ZSWIM5: variants seen among roughly 807,000 people sequenced by gnomAD.
ZSWIM5 encodes zinc finger SWIM domain-containing protein 5.
ZSWIM5 carries 55 observed loss-of-function variants against 119.6 expected under a neutral mutation model. The observed-to-expected ratio is 0.46, with a 90% CI of 0.37 to 0.58. The LOEUF (loss-of-function observed/expected upper bound fraction) is 0.58. ZSWIM5 is among the 20% of genes least tolerant of loss of function. The pLI is 0.00. For synonymous variants in ZSWIM5, 537 were observed against 606.9 expected (o/e 0.88, Z 1.69); for missense variants, 1,193 against 1,512.8 (o/e 0.79, Z 3.51).
chr1:45,129,290 C>G (rs1476181908), intron 1 of ZSWIM5, among the ~76,000 whole-genome samples: 1 of 151,446 alleles, frequency 6.6e-6, no homozygotes, highest in Non-Finnish European at 1.5e-5. Flanking sequence ...TCCCGAGTAG[C>G]TGGGACTACA....
chr1:45,088,296 C>G lies in ZSWIM5; in HGVS notation c.596-59G>C. On this transcript the variant is annotated intron_variant, in intron 1 of 13. Transcript: ENST00000359600. This position sits in a 1 kb window ranked among gnomAD's most constrained non-coding sequence, Gnocchi z 4.2. ...TTCTAGAGTAATAAACTTAGATTCT[C>G]ATTTTACATGTAAATTCATCAATTC... The G allele has an allele frequency of 2.4e-6, 3 of 1,235,572 alleles. No homozygotes were observed. The highest frequency in any genetic ancestry group is 2.0e-4 in the Middle Eastern group (1 of 5,086). 76.5% of individuals were successfully genotyped at this position (1,235,572 alleles called of 1,614,324 possible).
At chr1:45,096,393 A>G (rs1645401796) in intron 1 of ZSWIM5, among the ~76,000 whole-genome samples, 1 of 151,190 alleles carries the variant, frequency 6.6e-6, no homozygotes, top group African/African-American at 2.4e-5. Context: ...CCATTTTTTG[A>G]TGCAAAGCAG....
At chr1:45,182,515 A>G (rs1459168316) in intron 1 of ZSWIM5, among the ~76,000 whole-genome samples, 1 of 152,178 alleles carries the variant, frequency 6.6e-6, no homozygotes, top group Non-Finnish European at 1.5e-5. Flanking sequence ...TCTCACGTGC[A>G]GAGACACACA....
At chr1:45,048,094 T>C (rs1387847834) in intron 5 of ZSWIM5, among the ~76,000 whole-genome samples, 1 of 148,100 alleles carries the variant, frequency 6.8e-6, no homozygotes. Context: ...TTTTTTTTTT[T>C]TTTTTTTGAG....
intron 1 of ZSWIM5, among the ~76,000 whole-genome samples, chr1:45,193,912 G>GT (rs1646106374): frequency 6.6e-6 from 1 of 150,658 alleles, no homozygotes; most frequent in South Asian, 2.1e-4. Context: ...GTGATAGTAC[G>GT]TATGTGTACA....
At chr1:45,174,908 CAA>C (rs1161089344) in intron 1 of ZSWIM5, among the ~76,000 whole-genome samples, 1 of 151,974 alleles carries the variant, frequency 6.6e-6, no homozygotes. Context: ...GTATTTCCTT[CAA>C]AGATATTCTC....
At chr1:45,172,616 ATTTTAATAGG>A (rs1048404581) in intron 1 of ZSWIM5, among the ~76,000 whole-genome samples, 7 of 152,062 alleles carry the variant, frequency 4.6e-5, no homozygotes, top group Admixed American at 4.6e-4. Flanking sequence ...AGAGCTTTAT[ATTTTAATAGG>A]TGCCTCAGAT....
At chr1:45,115,262 G>A (rs570149287) in intron 1 of ZSWIM5, among the ~76,000 whole-genome samples, 5 of 151,614 alleles carry the variant, frequency 3.3e-5, no homozygotes, top group African/African-American at 1.2e-4. Context: ...GGTGGCTGCC[G>A]GGCGGGGGCG....
chr1:45,181,752 C>T (rs747988850), intron 1 of ZSWIM5, among the ~76,000 whole-genome samples: 2 of 152,068 alleles, frequency 1.3e-5, no homozygotes, highest in African/African-American at 4.8e-5. Flanking sequence ...ACTCTACAAG[C>T]CAGAAGAGAG....
chr1:45,132,978 G>A (rs963777169), intron 1 of ZSWIM5, among the ~76,000 whole-genome samples: 6 of 152,098 alleles, frequency 3.9e-5, no homozygotes, highest in Admixed American at 6.5e-5. Flanking sequence ...ATTCCATGGT[G>A]TATATGTGCC....
rs1372875177 is a variant in ZSWIM5 at position 45,094,044 on chromosome 1, T to C, written c.596-5807A>G. On this transcript the variant is annotated intron_variant, in intron 1 of 13. Transcript: ENST00000359600. ...TTTTATATTTATTTATTTATTTATTTATTTATTTATTTATTTATTTATTTA... is the reference window on the plus strand; with the variant it reads ...TTTTATATTTATTTATTTATTTATTCATTTATTTATTTATTTATTTATTTA... Among the ~76,000 whole-genome samples, 111 of 148,116 alleles carry C rather than the reference T, an allele frequency of 7.5e-4. 3 individuals carry two copies. In the South Asian group the frequency reaches 0.017, roughly 23 times the overall value.
At chr1:45,028,612 T>C (rs538451101) in intron 11 of ZSWIM5, among the ~76,000 whole-genome samples, 8 of 151,896 alleles carry the variant, frequency 5.3e-5, no homozygotes, top group African/African-American at 1.7e-4. Flanking sequence ...AAAAATTAGC[T>C]GGGCATGGTG....
intron 1 of ZSWIM5, among the ~76,000 whole-genome samples, chr1:45,121,582 G>A (rs1345484185): frequency 6.9e-6 from 1 of 144,004 alleles, no homozygotes; most frequent in African/African-American, 2.7e-5. Flanking sequence ...TTATAGATAG[G>A]AATCTTTTTT....
intron 2 of ZSWIM5, among the ~76,000 whole-genome samples, chr1:45,062,812 T>A (rs570877529): frequency 2.6e-5 from 4 of 152,274 alleles, no homozygotes; most frequent in East Asian, 3.9e-4. Flanking sequence ...CCGAGTTTTT[T>A]AAAAAATAAT....
chr1:45,073,626 T>C (rs1037843897), intron 2 of ZSWIM5, among the ~76,000 whole-genome samples: 2 of 151,882 alleles, frequency 1.3e-5, no homozygotes, highest in East Asian at 3.8e-4. Flanking sequence ...TTCTAATAGT[T>C]TTTTGGTGGA....
chr1:45,134,824 A>G (rs1296384952), intron 1 of ZSWIM5, among the ~76,000 whole-genome samples: 1 of 152,226 alleles, frequency 6.6e-6, no homozygotes, highest in Non-Finnish European at 1.5e-5. Flanking sequence ...TATGAATAGA[A>G]TCATACAATA....
chr1:45,062,679 A>T (rs1442319777), intron 2 of ZSWIM5, among the ~76,000 whole-genome samples: 5 of 151,450 alleles, frequency 3.3e-5, no homozygotes, highest in Non-Finnish European at 2.9e-5. Flanking sequence ...TTATTTTTAA[A>T]TTTTTTTTGT....
At chr1:45,045,266 T>C (rs1645047427) in intron 5 of ZSWIM5, among the ~76,000 whole-genome samples, 1 of 152,152 alleles carries the variant, frequency 6.6e-6, no homozygotes, top group Non-Finnish European at 1.5e-5. Context: ...AACTGATGCT[T>C]TGCCAGATTA....
In ZSWIM5 at chr1:45,110,234, CT is replaced by C. The variant is rs1645508725; in HGVS notation, c.596-21998del. On this transcript the variant is annotated intron_variant, in intron 1 of 13. Transcript: ENST00000359600. ...ATTCTGAGCTGAAGCTCAATTTACC[CT>C]GGTCTGTTCTCAGAATTAAAGCAGA... Among the ~76,000 whole-genome samples the C allele has an allele frequency of 9.8e-5, 15 of 152,294 alleles. No homozygotes were observed. The South Asian group carries it at 3.1e-3, about 32-fold the overall frequency.
Sources: allele counts gnomAD v4.1 joint callset (sites outside exome capture counted in the v4.1 genomes callset), GRCh38; gene constraint gnomAD v4.1.1; non-coding constraint Gnocchi (gnomAD v3.1); transcripts MANE v1.5; gene names NCBI Gene and HGNC (gene_info 2026-07-23, HGNC 2026-07-21).